Variants in TCF25 observed in about 807,000 individuals in gnomAD.
TCF25 encodes the protein ribosome quality control complex subunit TCF25.
TCF25 carries 41 observed loss-of-function variants against 83.1 expected under a neutral mutation model. That is an observed-to-expected ratio of 0.49 (90% CI 0.38 to 0.64). TCF25 has a LOEUF of 0.64. Ranked by LOEUF, TCF25 falls within the 30% of genes least tolerant of loss-of-function variation. TCF25 has a pLI of 0.00. For missense variants in TCF25, 979 were observed against 914.5 expected (o/e 1.07, Z -0.91); for synonymous variants, 458 against 365.0 (o/e 1.25, Z -2.90).
At chr16:89,908,661 G>C (rs867211938) in intron 16 of TCF25, among the ~76,000 whole-genome samples, 40 of 6,964 alleles carry the variant, frequency 5.7e-3, no homozygotes, top group East Asian at 9.3e-3. Flanking sequence ...CCACCTCCCA[G>C]CTCCCACCTC....
Position 89,907,314 on chromosome 16 carries a change from G to T in TCF25, c.1791G>T (p.Arg597Ser). Residue 597 changes from arginine to serine, a missense_variant, in exon 16 of 18, where the codon AGG becomes AGT. Physicochemically the swap from Arg to Ser is moderately radical, Grantham distance 110. Transcript: ENST00000263346. ...CGGACACAATCTACTCCTACGTCAG[G>T]CCAGAGAGGTACCTCCCTCCTTCCA... ...PPSDTIYSYV[R>S]PERLSPISHG... 1 of 1,572,426 alleles carries T rather than the reference G, an allele frequency of 6.4e-7. No individual in the cohort carries two copies. Among genetic ancestry groups the T allele is most frequent in the Non-Finnish European group, 8.6e-7 (1 of 1,157,110 alleles).
intron 5 of TCF25, among the ~76,000 whole-genome samples, chr16:89,891,033 T>C (rs2043387979): frequency 6.6e-6 from 1 of 152,134 alleles, no homozygotes; most frequent in Admixed American, 6.5e-5. Flanking sequence ...CTGCTTTCTC[T>C]TGGGTCCTTG....
chr16:89,884,542 A>G lies in TCF25; in HGVS notation c.355-40A>G, dbSNP rs750060605. 1.9e-6 allele frequency: 3 copies of G among 1,601,648 alleles called. No individual in the cohort carries two copies. In the Admixed American group the frequency reaches 5.0e-5, roughly 27 times the overall value. On this transcript the variant is annotated intron_variant, in intron 2 of 17. Transcript: ENST00000263346. Reference sequence around the variant, plus strand: ...CTTTAATTCTCACTTCTTAAGATTTACTTCTCATTCTACTGATGAAAATGT... The same window carrying G: ...CTTTAATTCTCACTTCTTAAGATTTGCTTCTCATTCTACTGATGAAAATGT...
intron 16 of TCF25, chr16:89,909,208 A>G (rs1014684747): frequency 2.5e-6 from 3 of 1,209,934 alleles, no homozygotes; most frequent in African/African-American, 1.6e-5. Context: ...CCCCGTCTCA[A>G]CTAAAAATAC....
intron 12 of TCF25, 142 bp downstream of exon 12, chr16:89,900,936 G>C (rs2044272264): frequency 1.0e-6 from 1 of 986,452 alleles, no homozygotes; most frequent in African/African-American, 1.6e-5. Flanking sequence ...CTGCAAACCT[G>C]CCCTACCAAA....
chr16:89,890,845 T>G (rs1419749410), intron 5 of TCF25, among the ~76,000 whole-genome samples: 1 of 152,172 alleles, frequency 6.6e-6, no homozygotes, highest in African/African-American at 2.4e-5. Context: ...TTTTATAGTA[T>G]TATTAAACTT....
chr16:89,904,467 C>G (rs952327077), intron 13 of TCF25: 1 of 549,628 alleles, frequency 1.8e-6, no homozygotes, highest in East Asian at 3.1e-5. Context: ...GCGGCACATG[C>G]CTGTAATCTC....
chr16:89,895,997 G>T lies in TCF25; in HGVS notation c.936G>T (p.Ala312=). 6.2e-7 allele frequency: 1 copy of T among 1,613,864 alleles called. No homozygotes were observed. The highest frequency in any genetic ancestry group is 1.1e-5 in the South Asian group (1 of 91,070). ...QEMARDLVER[A]LYSMECAFHP... is the part of the protein sequence containing the mutation. Reference sequence around the variant, plus strand: ...GCGTCCCTGTGCCCACAGAGAGAGCGCTGTACAGCATGGAATGTGCGTTCC... The same window carrying T: ...GCGTCCCTGTGCCCACAGAGAGAGCTCTGTACAGCATGGAATGTGCGTTCC... Residue 312 remains alanine (A), a synonymous_variant, in exon 9 of 18, where the codon GCG becomes GCT. Transcript: ENST00000263346.
intron 17 of TCF25, 24 bp downstream of exon 17, chr16:89,910,687 C>T (rs1471777423): frequency 2.5e-5 from 41 of 1,612,282 alleles, no homozygotes; most frequent in Non-Finnish European, 3.3e-5. Context: ...GTCCCAGCCC[C>T]TGCCTCCCCA....
intron 1 of TCF25, among the ~76,000 whole-genome samples, chr16:89,874,302 G>C (rs1449395095): frequency 6.6e-6 from 1 of 151,666 alleles, no homozygotes; most frequent in African/African-American, 2.4e-5. Context: ...ACGCTAAAGG[G>C]CGTGGCTAAA....
chr16:89,882,071 G>T (rs540991966), intron 1 of TCF25, among the ~76,000 whole-genome samples: 1 of 152,290 alleles, frequency 6.6e-6, no homozygotes, highest in South Asian at 2.1e-4. Flanking sequence ...CTCACTAGCT[G>T]AGGAGCCAGA....
chr16:89,873,869 G>C lies in TCF25; in HGVS notation c.192+10G>C. On this transcript the variant is annotated intron_variant, in intron 1 of 17. Transcript: ENST00000263346. The stretch of plus-strand genomic sequence containing the variant: ...CAACCGCTTCGAGCTGGTGAGGAGC[G>C]CGGCGGCCCGGGTGGGGGTGGGGTG... 6.7e-7 allele frequency: 1 copy of C among 1,499,482 alleles called. No individual in the cohort carries two copies. The highest frequency in any genetic ancestry group is 8.9e-7 in the Non-Finnish European group (1 of 1,123,424). 92.9% of individuals were successfully genotyped at this position (1,499,482 alleles called of 1,614,324 possible).
intron 6 of TCF25, among the ~76,000 whole-genome samples, 189 bp downstream of exon 6, chr16:89,892,464 TGCTCCAGGAGC>T (rs1324321761): frequency 1.3e-5 from 2 of 152,042 alleles, no homozygotes; most frequent in African/African-American, 2.4e-5. Flanking sequence ...CGAGACTCTT[TGCTCCAGGAGC>T]GCTCCAGGAG....
intron 12 of TCF25, chr16:89,901,116 G>A (rs2044287700): frequency 4.1e-6 from 1 of 244,606 alleles, no homozygotes. Context: ...GAGCAAAGCA[G>A]GGGAAGGTCT....
At position 89,893,736 on chromosome 16, in the gene TCF25, A is replaced by C; in HGVS notation, c.706A>C (p.Met236Leu). 6.2e-7 allele frequency: 1 copy of C among 1,613,844 alleles called. No individual in the cohort carries two copies. Among genetic ancestry groups the C allele is most frequent in the Non-Finnish European group, 8.5e-7 (1 of 1,179,958 alleles). Reference sequence around the variant, plus strand: ...GCACTCTCCCCTCCCAGGTCTGTCCATGCGGCTGCTGGAATCAAAAAAAGG... The same window carrying C: ...GCACTCTCCCCTCCCAGGTCTGTCCCTGCGGCTGCTGGAATCAAAAAAAGG... Reference protein sequence around the residue: ...WPRYSKPGLSMRLLESKKGLS... With the variant: ...WPRYSKPGLSLRLLESKKGLS... Residue 236 changes from methionine (M) to leucine (L), a missense_variant, in exon 7 of 18, where the codon ATG becomes CTG. Physicochemically the swap from Met to Leu is conservative, Grantham distance 15. Coordinates refer to ENST00000263346, the MANE Select transcript of TCF25 (RefSeq NM_014972.3).
At chr16:89,892,522 C>T (rs1215614882) in intron 6 of TCF25, among the ~76,000 whole-genome samples, 1 of 152,164 alleles carries the variant, frequency 6.6e-6, no homozygotes, top group Admixed American at 6.5e-5. Flanking sequence ...ACACTGAGGG[C>T]CTGAGTGCTG....
intron 1 of TCF25, 122 bp downstream of exon 1, chr16:89,873,981 C>G: frequency 8.0e-7 from 1 of 1,254,254 alleles, no homozygotes; most frequent in Non-Finnish European, 1.1e-6. Context: ...TGACGTGGGT[C>G]CCAGCCGCAG....
chr16:89,881,572 G>T lies in TCF25; in HGVS notation c.193-1779G>T, dbSNP rs150236442. ...TGGGCTCACGCAGTCCTCCTCAGCC[G>T]CCTGAGTAGCTGGGACTCAAGAGGT... is the stretch of plus-strand genomic sequence containing the variant. On this transcript the variant is annotated intron_variant, in intron 1 of 17. Transcript: ENST00000263346. Among the ~76,000 whole-genome samples, 430 of 151,876 alleles carry T rather than the reference G, an allele frequency of 2.8e-3. 3 individuals are homozygous for T. The highest frequency in any genetic ancestry group is 0.01 in the African/African-American group (416 of 41,380).
At chr16:89,909,279 A>C (rs766116320) in intron 16 of TCF25, 90 of 619,976 alleles carry the variant, frequency 1.5e-4, no homozygotes, top group Non-Finnish European at 2.1e-4. Flanking sequence ...TGAGAGGCCA[A>C]GGTGGGCAAA....
Sources: gnomAD v4.1 joint callset for allele counts (sites outside exome capture counted in the v4.1 genomes callset) on GRCh38, gnomAD v4.1.1 for gene constraint, MANE v1.5 for transcripts, NCBI Gene and HGNC (gene_info 2026-07-23, HGNC 2026-07-21) for gene names.